Variants in GPC5 observed in about 807,000 individuals in gnomAD.
GPC5 encodes the protein glypican 5.
Under a neutral mutation model 53.9 loss-of-function variants are expected in GPC5, and 47 were observed. The ratio of observed to expected loss-of-function variants is 0.87; its 90% confidence interval spans 0.69 to 1.11. GPC5 has a LOEUF of 1.11. Among genes scored for constraint, GPC5 ranks in the 50% most tolerant of loss-of-function variants. The probability of loss-of-function intolerance (pLI) is 0.00; values close to 1 mark genes in which losing one functional copy is unlikely to be tolerated. For missense variants in GPC5, 748 were observed against 713.1 expected (o/e 1.05, Z -0.56); for synonymous variants, 286 against 263.3 (o/e 1.09, Z -0.84).
rs528255712 is a variant in GPC5, at chr13:91,731,470, T to C, written c.1154+2805T>C. ...CAGGAGAGGAATGTCTTTTTTTTAT[T>C]GTGTTCAGCTCAACTTTTAGGTGGT... On this transcript the variant is annotated intron_variant, in intron 4 of 7. Coordinates refer to ENST00000377067, the MANE Select transcript of GPC5 (RefSeq NM_004466.6). Among the ~76,000 whole-genome samples the C allele has an allele frequency of 3.3e-3, 501 of 152,326 alleles. 3 individuals are homozygous for C. Among genetic ancestry groups the C allele is most frequent in the African/African-American group, 0.011 (475 of 41,570 alleles).
At chr13:91,494,648 C>T (rs1884149915) in intron 2 of GPC5, among the ~76,000 whole-genome samples, 1 of 152,086 alleles carries the variant, frequency 6.6e-6, no homozygotes, top group Non-Finnish European at 1.5e-5. Flanking sequence ...TCGTTAAATC[C>T]AGCAGCCAAT....
chr13:92,736,951 G>C (rs1295289587), intron 7 of GPC5, among the ~76,000 whole-genome samples: 1 of 151,862 alleles, frequency 6.6e-6, no homozygotes, highest in Non-Finnish European at 1.5e-5. Context: ...GTTGTCTCTT[G>C]TTAAGCTACT....
intron 6 of GPC5, among the ~76,000 whole-genome samples, chr13:91,939,830 G>A (rs2039908339): frequency 6.6e-6 from 1 of 152,066 alleles, no homozygotes; most frequent in Non-Finnish European, 1.5e-5. Flanking sequence ...ATGATTTATG[G>A]GACACATGAG....
At chr13:91,526,234 T>G (rs1886081343) in intron 2 of GPC5, among the ~76,000 whole-genome samples, 1 of 152,220 alleles carries the variant, frequency 6.6e-6, no homozygotes, top group Non-Finnish European at 1.5e-5. Flanking sequence ...TACAACTGTT[T>G]CACAAGTTGT....
At chr13:92,149,609 CAG>C (rs1190061493) in intron 7 of GPC5, among the ~76,000 whole-genome samples, 1 of 151,854 alleles carries the variant, frequency 6.6e-6, no homozygotes, top group Non-Finnish European at 1.5e-5. Flanking sequence ...ATTCTGTGCA[CAG>C]AGCAAAATGA....
chr13:91,451,507 G>A (rs1244919207), intron 2 of GPC5, among the ~76,000 whole-genome samples: 1 of 152,114 alleles, frequency 6.6e-6, no homozygotes, highest in East Asian at 1.9e-4. Context: ...GCTGTTGTTA[G>A]AAGAGACCTA....
At chr13:92,006,204 C>T (rs1243820346) in intron 6 of GPC5, among the ~76,000 whole-genome samples, 2 of 152,026 alleles carry the variant, frequency 1.3e-5, no homozygotes, top group Non-Finnish European at 2.9e-5. Flanking sequence ...CTTTTCTGTA[C>T]TCAAAATGAT....
chr13:91,806,437 CTT>C lies in GPC5; in HGVS notation c.1280+50028_1280+50029del, dbSNP rs36011304. ...TTACTTGGTTTAATTAATTTAATTTCTTTTTTTTTTTTACTTTAACGCAATAA... is the reference window on the plus strand; with the variant it reads ...TTACTTGGTTTAATTAATTTAATTTCTTTTTTTTTTACTTTAACGCAATAA... On this transcript the variant is annotated intron_variant, in intron 5 of 7. Coordinates refer to ENST00000377067, the MANE Select transcript of GPC5 (RefSeq NM_004466.6). Among the ~76,000 whole-genome samples the C allele has an allele frequency of 2.6e-3, 388 of 148,052 alleles. 3 individuals carry two copies. The highest frequency in any genetic ancestry group is 8.1e-3 in the African/African-American group (325 of 40,274).
chr13:91,479,719 T>G (rs1883200389), intron 2 of GPC5, among the ~76,000 whole-genome samples: 1 of 152,112 alleles, frequency 6.6e-6, no homozygotes, highest in African/African-American at 2.4e-5. Flanking sequence ...ACAAAGACAT[T>G]GAATTAAATA....
chr13:91,541,072 TG>T (rs2138744585), intron 2 of GPC5, among the ~76,000 whole-genome samples: 1 of 152,300 alleles, frequency 6.6e-6, no homozygotes, highest in Admixed American at 6.5e-5. Flanking sequence ...ACCTAATTTT[TG>T]TGTTTAAATG....
chr13:91,637,882 G>C (rs2034322983), intron 2 of GPC5, among the ~76,000 whole-genome samples: 1 of 152,202 alleles, frequency 6.6e-6, no homozygotes, highest in Non-Finnish European at 1.5e-5. Context: ...CATTCTTCAA[G>C]AACTCCTCTG....
At chr13:92,581,687 TA>T (rs1426478691) in intron 7 of GPC5, among the ~76,000 whole-genome samples, 4 of 152,180 alleles carry the variant, frequency 2.6e-5, no homozygotes, top group Non-Finnish European at 4.4e-5. Flanking sequence ...AACAAACAGT[TA>T]AAAAGTTTCC....
At chr13:92,001,989 A>G (rs1292136483) in intron 6 of GPC5, among the ~76,000 whole-genome samples, 2 of 152,204 alleles carry the variant, frequency 1.3e-5, no homozygotes, top group African/African-American at 2.4e-5. Flanking sequence ...TGAATTGTGG[A>G]CAATAAAGAG....
chr13:92,598,191 CTG>C (rs1212988891), intron 7 of GPC5, among the ~76,000 whole-genome samples: 4 of 152,160 alleles, frequency 2.6e-5, no homozygotes, highest in South Asian at 2.1e-4. Flanking sequence ...AAGATTCAAA[CTG>C]TGAAATCCTC....
chr13:92,663,463 G>C (rs1412701204), intron 7 of GPC5, among the ~76,000 whole-genome samples: 1 of 150,998 alleles, frequency 6.6e-6, no homozygotes, highest in Non-Finnish European at 1.5e-5. Flanking sequence ...AACAGGTGGG[G>C]CGCGGTGGCT....
intron 5 of GPC5, among the ~76,000 whole-genome samples, chr13:91,863,370 A>G (rs1000529768): frequency 6.6e-6 from 1 of 152,154 alleles, no homozygotes; most frequent in African/African-American, 2.4e-5. Context: ...AAAGGGGAAT[A>G]GGAATTTTAT....
At chr13:91,973,662 T>G (rs1261968998) in intron 6 of GPC5, among the ~76,000 whole-genome samples, 2 of 152,218 alleles carry the variant, frequency 1.3e-5, no homozygotes, top group African/African-American at 2.4e-5. Context: ...ATGTCCTTTC[T>G]GTTTGTTAGT....
At position 91,429,365 on chromosome 13, in the gene GPC5, G is replaced by C. The variant is rs527829717; in HGVS notation, c.164-19396G>C. ...GCTGGATAAAGGAGAAATATTACAT[G>C]GTCTATGTCCCCAAGAAGGTGACAG... On this transcript the variant is annotated intron_variant, in intron 1 of 7. Transcript: ENST00000377067. Among the ~76,000 whole-genome samples, 3 of 152,092 alleles carry C rather than the reference G, an allele frequency of 2.0e-5. No homozygotes were observed. The East Asian group carries it at 5.8e-4, about 29-fold the overall frequency.
chr13:91,650,245 C>G (rs1331894212), intron 2 of GPC5, among the ~76,000 whole-genome samples: 3 of 152,208 alleles, frequency 2.0e-5, no homozygotes, highest in East Asian at 3.9e-4. Context: ...CTAAAAGGGA[C>G]AGTGTCATCC....
Sources: gnomAD v4.1 joint callset for allele counts (sites outside exome capture counted in the v4.1 genomes callset) on GRCh38, gnomAD v4.1.1 for gene constraint, MANE v1.5 for transcripts, NCBI Gene and HGNC (gene_info 2026-07-23, HGNC 2026-07-21) for gene names.